GSDME: variants seen among roughly 807,000 people sequenced by gnomAD.
The protein encoded by GSDME is gasdermin-E.
GSDME carries 44 observed loss-of-function variants against 47.5 expected under a neutral mutation model. The ratio of observed to expected loss-of-function variants is 0.93; its 90% CI spans 0.73 to 1.19. The LOEUF (loss-of-function observed/expected upper bound fraction) is 1.19. Among genes scored for constraint, GSDME ranks in the 50% most tolerant of loss-of-function variants. The pLI is 0.00. For missense variants in GSDME, 663 were observed against 604.2 expected, an observed-to-expected ratio of 1.10 and a Z score of -1.02; for synonymous variants, 258 against 252.8, an observed-to-expected ratio of 1.02 and a Z score of -0.20.
Position 24,749,697 on chromosome 7 carries a change from A to G in GSDME, c.78T>C (p.Asn26=), listed in dbSNP as rs773824667. The change falls in exon 2 of 10, where the codon AAT becomes AAC. Residue 26 remains asparagine (N), a synonymous_variant. Transcript: ENST00000645220. The part of the protein sequence containing the change: ...DGDLIAVSNL[N]DSDKLQLLSL... The stretch of plus-strand genomic sequence containing the variant: ...TTAGAAGCTGTAACTTATCAGAGTC[A>G]TTCAGATTTGATACTGCAATCAGGT... The G allele has an allele frequency of 3.7e-6, 6 of 1,613,974 alleles. No homozygotes were observed. Among genetic ancestry groups the G allele is most frequent in the Non-Finnish European group, 5.1e-6 (6 of 1,179,970 alleles).
chr7:24,723,981 A>G (rs568102906), intron 3 of GSDME, among the ~76,000 whole-genome samples: 5 of 152,046 alleles, frequency 3.3e-5, no homozygotes, highest in East Asian at 3.9e-4. Context: ...TTCTTCCCCA[A>G]CTTGTCCTGA....
chr7:24,736,200 T>C lies in GSDME; in HGVS notation c.404+8362A>G, dbSNP rs956959456. On this transcript the variant is annotated intron_variant, in intron 3 of 9. Coordinates refer to ENST00000645220, the MANE Select transcript of GSDME (RefSeq NM_001127453.2). This position sits in a 1 kb window ranked among gnomAD's most constrained non-coding sequence, Gnocchi z 4.6. ...CAATAATAATTGAATGTAACTAAAC[T>C]CTCCAATTAAAAGACATACACTGGC... Among the ~76,000 whole-genome samples the C allele has an allele frequency of 6.6e-6, 1 of 151,798 alleles. No individual in the cohort carries two copies. The highest frequency in any genetic ancestry group is 1.5e-5 in the Non-Finnish European group (1 of 67,970).
chr7:24,714,634 T>C lies in GSDME; in HGVS notation c.697+2620A>G, dbSNP rs1562694019. ...AAGAGGAGTTTATTTTCAAAGACAG[T>C]GGAAGCTGGAAAAGATAAAAGCCTT... On this transcript the variant is annotated intron_variant, in intron 5 of 9. Transcript: ENST00000645220. This position sits in a 1 kb window ranked among gnomAD's most constrained non-coding sequence, Gnocchi z 5.0. 6.6e-6 allele frequency among the ~76,000 whole-genome samples: 1 copy of C among 151,938 alleles called. No individual in the cohort carries two copies. Among genetic ancestry groups the C allele is most frequent in the Non-Finnish European group, 1.5e-5 (1 of 67,978 alleles).
At chr7:24,727,395 C>T (rs755794771) in intron 3 of GSDME, among the ~76,000 whole-genome samples, 1 of 152,188 alleles carries the variant, frequency 6.6e-6, no homozygotes, top group Non-Finnish European at 1.5e-5. Flanking sequence ...AACATCTCCC[C>T]AGAAACAGAG....
chr7:24,791,138 G>A, the GSDME span, among the ~76,000 whole-genome samples: 2 of 152,084 alleles, frequency 1.3e-5, no homozygotes, highest in Non-Finnish European at 2.9e-5. This position sits in a 1 kb window ranked among gnomAD's most constrained non-coding sequence, Gnocchi z 4.8. Flanking sequence ...GGTGGATCCA[G>A]GCTGGGATTC....
intron 3 of GSDME, among the ~76,000 whole-genome samples, chr7:24,729,639 GAGTGAACATC>G (rs1790079959): frequency 6.6e-6 from 1 of 152,248 alleles, no homozygotes; most frequent in African/African-American, 2.4e-5. Context: ...CAGACAGGAG[GAGTGAACATC>G]AGACAAGGAC....
At chr7:24,730,221 G>A (rs1790101637) in intron 3 of GSDME, among the ~76,000 whole-genome samples, 1 of 152,188 alleles carries the variant, frequency 6.6e-6, no homozygotes, top group African/African-American at 2.4e-5. Flanking sequence ...TCTAACTCCT[G>A]ACTCATCCCA....
At position 24,705,402 on chromosome 7, in the gene GSDME, G is replaced by A. The variant is rs1338225942; in HGVS notation, c.1183+782C>T. ...ATTCTTTAAAAACTGAAGATTACTG[G>A]GTCTGTTTCTGTGTGGTGCTAGGGA... On this transcript the variant is annotated intron_variant, in intron 8 of 9. Transcript: ENST00000645220. This position sits in a 1 kb window ranked among gnomAD's most constrained non-coding sequence, Gnocchi z 4.1. 1.3e-5 allele frequency: 2 copies of A among 152,504 alleles called. No homozygotes were observed. Among genetic ancestry groups the A allele is most frequent in the Non-Finnish European group, 2.9e-5 (2 of 68,296 alleles). The allele number at this position is 152,504 out of a possible 1,614,324, so 9.4% of individuals were successfully genotyped here. A position where few individuals can be genotyped will look rare whatever the true frequency, so the allele number is the denominator to read the frequency against.
rs1789169276 is a variant in GSDME, at chr7:24,707,682, AG to A, written c.990+444del. On this transcript the variant is annotated intron_variant, in intron 7 of 9. Coordinates refer to ENST00000645220, the MANE Select transcript of GSDME (RefSeq NM_001127453.2). ...TCTTTATAACAGACAGTAAAGGAGA[AG>A]ACACACACACACACACAGAGGGGAA... 1.0e-5 allele frequency: 3 copies of A among 300,394 alleles called. No individual in the cohort carries two copies. In the African/African-American group the frequency reaches 1.4e-4, roughly 15 times the overall value. 18.6% of individuals were successfully genotyped at this position (300,394 alleles called of 1,614,324 possible). A position where few individuals can be genotyped will look rare whatever the true frequency, so the allele number is the denominator to read the frequency against.
intron 9 of GSDME, 70 bp downstream of exon 9, chr7:24,702,690 C>T (rs769651477): frequency 7.5e-7 from 1 of 1,325,136 alleles, no homozygotes; most frequent in African/African-American, 1.4e-5. Flanking sequence ...TTACCGGCTG[C>T]TGGATGTCTA....
chr7:24,783,957 G>C, the GSDME span, among the ~76,000 whole-genome samples: 1 of 152,116 alleles, frequency 6.6e-6, no homozygotes, highest in African/African-American at 2.4e-5. Flanking sequence ...GTGGAAATGT[G>C]GATGGCAAGG....
At chr7:24,737,702 A>G (rs1428707783) in intron 3 of GSDME, among the ~76,000 whole-genome samples, 2 of 152,120 alleles carry the variant, frequency 1.3e-5, no homozygotes, top group African/African-American at 4.8e-5. Flanking sequence ...TCAAAAAAAA[A>G]AAGAAAACTA....
At chr7:24,765,631 C>A in the GSDME span, among the ~76,000 whole-genome samples, 1 of 152,244 alleles carries the variant, frequency 6.6e-6, no homozygotes, top group Non-Finnish European at 1.5e-5. Context: ...CATGTGGCAG[C>A]CCCAGAGTTG....
chr7:24,783,675 A>G, the GSDME span, among the ~76,000 whole-genome samples: 1 of 152,040 alleles, frequency 6.6e-6, no homozygotes, highest in African/African-American at 2.4e-5. Context: ...GACTGCAGAC[A>G]GGGGCTCCAT....
chr7:24,758,396 T>C (rs1791107776), upstream of GSDME, among the ~76,000 whole-genome samples: 1 of 152,238 alleles, frequency 6.6e-6, no homozygotes, highest in Admixed American at 6.5e-5. This position sits in a 1 kb window ranked among gnomAD's most constrained non-coding sequence, Gnocchi z 4.6. Flanking sequence ...AATAGAAGTT[T>C]TTCTTTTCTC....
chr7:24,700,636 C>CA (rs1788826679), intron 9 of GSDME, among the ~76,000 whole-genome samples: 2 of 152,116 alleles, frequency 1.3e-5, no homozygotes, highest in African/African-American at 4.8e-5. Context: ...GGTTTATTAT[C>CA]AAAATCAGCC....
At chr7:24,701,666 C>T (rs917513637) in intron 9 of GSDME, among the ~76,000 whole-genome samples, 1 of 152,192 alleles carries the variant, frequency 6.6e-6, no homozygotes, top group African/African-American at 2.4e-5. Flanking sequence ...AATAATGGCA[C>T]GTATTGTTTC....
In GSDME at chr7:24,735,160, GA is replaced by G. The variant is rs1262518793; in HGVS notation, c.404+9401del. On this transcript the variant is annotated intron_variant, in intron 3 of 9. Coordinates refer to ENST00000645220, the MANE Select transcript of GSDME (RefSeq NM_001127453.2). This position sits in a 1 kb window ranked among gnomAD's most constrained non-coding sequence, Gnocchi z 4.4. ...GCATGACATATCTAAAGTGCTGAAG[GA>G]AAAAAACGTTTACACTAGAATAGTA... Among the ~76,000 whole-genome samples the G allele has an allele frequency of 6.6e-6, 1 of 151,966 alleles. No homozygotes were observed. The highest frequency in any genetic ancestry group is 2.4e-5 in the African/African-American group (1 of 41,386).
chr7:24,707,175 A>G (rs77096632), intron 7 of GSDME: 16,824 of 380,410 alleles, frequency 0.044, 463 homozygotes, highest in Non-Finnish European at 0.059. Context: ...ATTTCAAGAG[A>G]GAAAAATAAT....
Sources: allele counts gnomAD v4.1 joint callset (sites outside exome capture counted in the v4.1 genomes callset), GRCh38; gene constraint gnomAD v4.1.1; non-coding constraint Gnocchi (gnomAD v3.1); transcripts MANE v1.5; gene names NCBI Gene and HGNC (gene_info 2026-07-23, HGNC 2026-07-21).